KCNC2: variants seen among roughly 807,000 people sequenced by gnomAD.
KCNC2 encodes potassium voltage-gated channel subfamily C member 2.
In KCNC2, 21 loss-of-function variants were observed where a neutral mutation model predicts 44.5. The observed-to-expected ratio is 0.47, with a 90% CI of 0.33 to 0.68. The LOEUF (loss-of-function observed/expected upper bound fraction) is 0.68, where lower values mean the gene tolerates loss of function less well. KCNC2 is among the 30% of genes least tolerant of loss of function. The pLI, the probability that KCNC2 is intolerant of heterozygous loss-of-function variation, is 0.01. For missense variants in KCNC2, 589 were observed against 826.2 expected (o/e 0.71, Z 3.52); for synonymous variants, 391 against 339.1 (o/e 1.15, Z -1.68).
intron 2 of KCNC2, among the ~76,000 whole-genome samples, chr12:75,070,554 A>G (rs929026937): frequency 4.6e-5 from 7 of 152,076 alleles, no homozygotes; most frequent in Non-Finnish European, 1.0e-4. Flanking sequence ...TAGAAAGAAA[A>G]CTTCCCACAT....
intron 2 of KCNC2, among the ~76,000 whole-genome samples, chr12:75,133,440 C>A (rs541505806): frequency 6.7e-6 from 1 of 149,678 alleles, no homozygotes; most frequent in African/African-American, 2.5e-5. Context: ...GAAAACAATA[C>A]TACAGAACTG....
chr12:75,087,581 T>C (rs1040863821), intron 2 of KCNC2, among the ~76,000 whole-genome samples: 8 of 152,082 alleles, frequency 5.3e-5, no homozygotes, highest in African/African-American at 1.9e-4. Context: ...GTCAAGAAAA[T>C]TACCATTTTT....
chr12:75,120,843 C>T (rs1458605), intron 2 of KCNC2, among the ~76,000 whole-genome samples: 1 of 152,002 alleles, frequency 6.6e-6, no homozygotes, highest in South Asian at 2.1e-4. Flanking sequence ...CTTTTCATTT[C>T]TTTTTCCATT....
chr12:75,084,372 A>G (rs1191266485), intron 2 of KCNC2, among the ~76,000 whole-genome samples: 4 of 151,804 alleles, frequency 2.6e-5, no homozygotes, highest in African/African-American at 4.8e-5. Context: ...CTGTGTCCCC[A>G]CCCAAATCTC....
intron 4 of KCNC2, among the ~76,000 whole-genome samples, chr12:75,046,118 A>T (rs1444646789): frequency 6.6e-6 from 1 of 151,786 alleles, no homozygotes; most frequent in African/African-American, 2.4e-5. Flanking sequence ...AGGAAAAAAC[A>T]TATAACTATA....
At chr12:75,206,799 C>A (rs1376474741) in intron 2 of KCNC2, among the ~76,000 whole-genome samples, 1 of 152,208 alleles carries the variant, frequency 6.6e-6, no homozygotes, top group Non-Finnish European at 1.5e-5. Flanking sequence ...CACATAGATA[C>A]ATTCCATTTC....
chr12:75,105,515 G>A (rs1168198626), intron 2 of KCNC2, among the ~76,000 whole-genome samples: 3 of 152,132 alleles, frequency 2.0e-5, no homozygotes, highest in Non-Finnish European at 4.4e-5. Context: ...AAAGGTGAAG[G>A]CAGGAGGCCC....
chr12:75,052,006 T>G (rs1881226387), intron 2 of KCNC2, among the ~76,000 whole-genome samples: 1 of 152,120 alleles, frequency 6.6e-6, no homozygotes, highest in Non-Finnish European at 1.5e-5. Context: ...GATCTCAAAG[T>G]GTTCGAGTAA....
At chr12:75,196,612 G>A (rs1335407510) in intron 2 of KCNC2, among the ~76,000 whole-genome samples, 1 of 151,904 alleles carries the variant, frequency 6.6e-6, no homozygotes, top group Non-Finnish European at 1.5e-5. Context: ...GTCCAGATGA[G>A]AAAAAAGGAG....
At chr12:75,117,440 T>C (rs1362315120) in intron 2 of KCNC2, among the ~76,000 whole-genome samples, 3 of 152,194 alleles carry the variant, frequency 2.0e-5, no homozygotes, top group African/African-American at 4.8e-5. Flanking sequence ...TTTGTAGCAA[T>C]TGTTAGTCTC....
At chr12:75,202,419 C>G (rs962861992) in intron 2 of KCNC2, among the ~76,000 whole-genome samples, 7 of 151,800 alleles carry the variant, frequency 4.6e-5, no homozygotes, top group Admixed American at 4.6e-4. Flanking sequence ...TATTTATAAG[C>G]CTTTTGACCC....
At chr12:75,176,857 A>T (rs1892220535) in intron 2 of KCNC2, among the ~76,000 whole-genome samples, 1 of 151,948 alleles carries the variant, frequency 6.6e-6, no homozygotes, top group South Asian at 2.1e-4. Context: ...AAAAGAGAGC[A>T]TATGTGTATT....
chr12:75,120,118 T>C (rs1359777000), intron 2 of KCNC2, among the ~76,000 whole-genome samples: 1 of 152,164 alleles, frequency 6.6e-6, no homozygotes, highest in Non-Finnish European at 1.5e-5. Flanking sequence ...AGGCTAAGTC[T>C]CTCATGAGCT....
chr12:75,148,829 G>A (rs974755407), intron 2 of KCNC2, among the ~76,000 whole-genome samples: 1 of 151,734 alleles, frequency 6.6e-6, no homozygotes, highest in Admixed American at 6.6e-5. Context: ...ATTCAGTTTT[G>A]TTTATTTTGT....
chr12:75,041,984 T>G lies in KCNC2; in HGVS notation c.*1121A>C. 1 of 1,043,716 alleles carries G rather than the reference T, an allele frequency of 9.6e-7. No homozygotes were observed. Among genetic ancestry groups the G allele is most frequent in the Non-Finnish European group, 1.2e-6 (1 of 868,520 alleles). 64.7% of individuals were successfully genotyped at this position (1,043,716 alleles called of 1,614,324 possible). A position where few individuals can be genotyped will look rare whatever the true frequency, so the allele number is the denominator to read the frequency against. ...GGAGCTAAGACAGACAAGAACAACA[T>G]ACAGGACAAAGCACCTGATTAAACA... On this transcript the variant is annotated 3_prime_UTR_variant, in exon 5 of 5. Transcript: ENST00000549446.
intron 2 of KCNC2, among the ~76,000 whole-genome samples, chr12:75,099,436 G>A (rs1886194126): frequency 1.3e-5 from 2 of 152,284 alleles, no homozygotes; most frequent in East Asian, 1.9e-4. Context: ...ACAGCCCTGT[G>A]AGAGTGGAAT....
rs73355688 is a variant in KCNC2 at position 75,185,099 on chromosome 12, T to G, written c.687+22198A>C. ...AAATGATTTCAGATATGTTGTATTT[T>G]CTCATAGAAGAAAGTAAAAGCAAGA... On this transcript the variant is annotated intron_variant, in intron 2 of 4. Coordinates refer to ENST00000549446, the MANE Select transcript of KCNC2 (RefSeq NM_139137.4). Among the ~76,000 whole-genome samples, 478 of 152,324 alleles carry G rather than the reference T, an allele frequency of 3.1e-3. 2 individuals carry two copies. Among genetic ancestry groups the G allele is most frequent in the African/African-American group, 0.011 (463 of 41,574 alleles).
intron 2 of KCNC2, among the ~76,000 whole-genome samples, chr12:75,168,858 A>G (rs1047964801): frequency 6.6e-6 from 1 of 151,556 alleles, no homozygotes. Context: ...TATCTTTGGA[A>G]GCAAAATTTA....
chr12:75,187,937 A>G (rs1187346762), intron 2 of KCNC2, among the ~76,000 whole-genome samples: 2 of 152,286 alleles, frequency 1.3e-5, no homozygotes, highest in East Asian at 1.9e-4. Flanking sequence ...TCTTTTTGTC[A>G]TAGTCATACC....
Sources: allele counts gnomAD v4.1 joint callset (sites outside exome capture counted in the v4.1 genomes callset), GRCh38; gene constraint gnomAD v4.1.1; transcripts MANE v1.5; gene names NCBI Gene and HGNC (gene_info 2026-07-23, HGNC 2026-07-21).